CEP170B: variants seen among roughly 807,000 people sequenced by gnomAD.
The protein encoded by CEP170B is centrosomal protein of 170 kDa protein B.
In CEP170B, 55 loss-of-function variants were observed where a neutral mutation model predicts 120.6. The observed-to-expected ratio is 0.46, with a 90% CI of 0.37 to 0.57. CEP170B has a LOEUF of 0.57. CEP170B is among the 20% of genes least tolerant of loss of function. The pLI, the probability that CEP170B is intolerant of heterozygous loss-of-function variation, is 0.00. For missense variants in CEP170B, 2,212 were observed against 2,253.3 expected (o/e 0.98, Z 0.37); for synonymous variants, 1,033 against 954.5 (o/e 1.08, Z -1.52).
At position 104,891,096 on chromosome 14, in the gene CEP170B, G is replaced by T. The variant is rs996273218; in HGVS notation, c.3878+1338G>T. Among the ~76,000 whole-genome samples the T allele has an allele frequency of 8.6e-5, 13 of 151,636 alleles. No homozygotes were observed. Among genetic ancestry groups the T allele is most frequent in the African/African-American group, 3.2e-4 (13 of 41,234 alleles). On this transcript the variant is annotated intron_variant, in intron 13 of 18. Transcript: ENST00000414716. This position sits in a 1 kb window ranked among gnomAD's most constrained non-coding sequence, Gnocchi z 4.3. ...ATGGATGGATGGAGAGTGAGTGGGT[G>T]GATGGAGGGGTGGGTGGATGCAGAT...
Position 104,886,169 on chromosome 14 carries a change from C to T in CEP170B, c.2035+39C>T, listed in dbSNP as rs908265598. ...GTGCTGCGGGGGAGTCGGGCCAGGCCGGGGCGGGCCTCAGGCCACTGACCA... is the reference window on the plus strand; with the variant it reads ...GTGCTGCGGGGGAGTCGGGCCAGGCTGGGGCGGGCCTCAGGCCACTGACCA... On this transcript the variant is annotated intron_variant, in intron 11 of 18. Transcript: ENST00000414716. 12 of 1,493,208 alleles carry T rather than the reference C, an allele frequency of 8.0e-6. No individual in the cohort carries two copies. The Middle Eastern group carries it at 5.2e-4, about 65-fold the overall frequency. The allele number at this position is 1,493,208 out of a possible 1,614,324, so 92.5% of individuals were successfully genotyped here. A position where few individuals can be genotyped will look rare whatever the true frequency, so the allele number is the denominator to read the frequency against.
Position 104,886,137 on chromosome 14 carries a change from G to C in CEP170B, c.2035+7G>C. 1 of 1,532,116 alleles carries C rather than the reference G, an allele frequency of 6.5e-7. No homozygotes were observed. The allele number at this position is 1,532,116 out of a possible 1,614,324, so 94.9% of individuals were successfully genotyped here. The stretch of plus-strand genomic sequence containing the variant: ...TCAGACCCGGGCCTCACAGGTAAGT[G>C]GCTCCAGTGCTGCGGGGGAGTCGGG... On this transcript the variant is annotated splice_region_variant and intron_variant, in intron 11 of 18. Transcript: ENST00000414716.
rs1896568731 is a variant in CEP170B, at chr14:104,887,173, T to A, written c.2934T>A (p.Pro978=). 6.2e-7 allele frequency: 1 copy of A among 1,607,724 alleles called. No homozygotes were observed. The highest frequency in any genetic ancestry group is 8.5e-7 in the Non-Finnish European group (1 of 1,179,736). Residue 978 remains proline (P), a synonymous_variant, in exon 12 of 19, where the codon CCT becomes CCA. Transcript: ENST00000414716. ...KSGPSPTTPQ[P]LRAQKEMSPS... ...GGCCCAGCCCCACAACCCCCCAGCC[T>A]CTGCGGGCACAGAAGGAGATGTCGC...
intron 2 of CEP170B, among the ~76,000 whole-genome samples, chr14:104,874,750 CCCCCGG>C (rs2140648691): frequency 6.6e-6 from 1 of 152,048 alleles, no homozygotes; most frequent in South Asian, 2.1e-4. Context: ...CCAACCCCCA[CCCCCGG>C]TCCTCCTCTG....
At position 104,885,456 on chromosome 14, in the gene CEP170B, G is replaced by A. The variant is rs1471300160; in HGVS notation, c.1858G>A (p.Asp620Asn). The A allele has an allele frequency of 1.3e-6, 2 of 1,563,290 alleles. No individual in the cohort carries two copies. The highest frequency in any genetic ancestry group is 2.4e-5 in the South Asian group (2 of 84,848). Residue 620 changes from aspartate to asparagine, a missense_variant, in exon 10 of 19, where the codon GAT becomes AAT. By Grantham distance (23) the Asp-to-Asn change is conservative (BLOSUM62 1). Coordinates refer to ENST00000414716, the MANE Select transcript of CEP170B (RefSeq NM_001112726.3). ...CATCAGAGGGGACAGAGATGAGTCT[G>A]ATGACGGGGGCGTGGCCCAGCGGAT... ...PVIRGDRDES[D>N]DGGVAQRMAL...
chr14:104,890,852 AGTG>A (rs1896817409), intron 13 of CEP170B, among the ~76,000 whole-genome samples: 1 of 27,310 alleles, frequency 3.7e-5, no homozygotes, highest in African/African-American at 1.3e-4. Context: ...TGGATGAATG[AGTG>A]GGTGGGTGGG....
At chr14:104,883,591 GA>G in intron 8 of CEP170B, 83 bp downstream of exon 8, 2 of 1,373,088 alleles carry the variant, frequency 1.5e-6, no homozygotes, top group Non-Finnish European at 1.9e-6. Flanking sequence ...TTGCCATGCA[GA>G]GGGGCCCATT....
intron 18 of CEP170B, 42 bp from the exon 19 acceptor site, chr14:104,894,669 G>A: frequency 6.3e-7 from 1 of 1,575,862 alleles, no homozygotes; most frequent in Non-Finnish European, 8.6e-7. Flanking sequence ...GTGGGAGCAG[G>A]TGAACTGGAT....
At position 104,893,528 on chromosome 14, in the gene CEP170B, G is replaced by A; in HGVS notation, c.4044G>A (p.Val1348=). The A allele has an allele frequency of 6.2e-7, 1 of 1,603,022 alleles. No homozygotes were observed. Among genetic ancestry groups the A allele is most frequent in the East Asian group, 2.2e-5 (1 of 44,460 alleles). ...ASTISAREEL[V]QRIPEASLNF... is the part of the protein sequence containing the mutation. ...GCCGGCCCTCCCTCTTGCAGCTGGT[G>A]CAGCGCATCCCCGAGGCCAGCCTCA... The change falls in exon 15 of 19, where the codon GTG becomes GTA. Residue 1348 remains valine (V), a synonymous_variant. Coordinates refer to ENST00000414716, the MANE Select transcript of CEP170B (RefSeq NM_001112726.3).
In CEP170B at chr14:104,870,476, C is replaced by T. The variant is rs754000840; in HGVS notation, c.105+1921C>T. 7.2e-5 allele frequency among the ~76,000 whole-genome samples: 11 copies of T among 152,132 alleles called. No individual in the cohort carries two copies. Among genetic ancestry groups the T allele is most frequent in the African/African-American group, 2.2e-4 (9 of 41,418 alleles). On this transcript the variant is annotated intron_variant, in intron 2 of 18. Coordinates refer to ENST00000414716, the MANE Select transcript of CEP170B (RefSeq NM_001112726.3). The surrounding 1 kb of genome is among the most constrained non-coding windows in gnomAD (Gnocchi z 4.1). ...ACAGGGGTGGCATCAGTGATGGCCG[C>T]GCTGCTCTACCTAGGGTGGCTAGGA...
At chr14:104,878,542 T>A in intron 5 of CEP170B, 41 bp downstream of exon 5, 2 of 1,594,836 alleles carry the variant, frequency 1.3e-6, no homozygotes, top group Non-Finnish European at 1.7e-6. Context: ...CCACGAGGGC[T>A]CAGCCCCCCA....
chr14:104,879,585 C>T (rs1337843468), intron 5 of CEP170B, among the ~76,000 whole-genome samples: 1 of 152,164 alleles, frequency 6.6e-6, no homozygotes, highest in East Asian at 1.9e-4. Context: ...GCCGGGTGCC[C>T]TCTCGGAGCC....
At chr14:104,889,861 G>T in intron 13 of CEP170B, 103 bp downstream of exon 13, 1 of 1,247,132 alleles carries the variant, frequency 8.0e-7, no homozygotes, top group Non-Finnish European at 1.1e-6. Flanking sequence ...TTCTTGAGTG[G>T]ATAGATGGTA....
chr14:104,880,522 C>A, intron 6 of CEP170B, 97 bp downstream of exon 6: 3 of 1,508,636 alleles, frequency 2.0e-6, no homozygotes, highest in Non-Finnish European at 2.7e-6. Context: ...CCTCTGCATG[C>A]ATATACCATG....
rs1052016548 is a variant in CEP170B, at chr14:104,886,189, T to G, written c.2035+59T>G. On this transcript the variant is annotated intron_variant, in intron 11 of 18. Transcript: ENST00000414716. The stretch of plus-strand genomic sequence containing the variant: ...CAGGCCGGGGCGGGCCTCAGGCCAC[T>G]GACCACGGACACAGGCTGCCTCTTC... 7.4e-5 allele frequency: 109 copies of G among 1,479,304 alleles called. No individual in the cohort carries two copies. In the South Asian group the frequency reaches 1.3e-3, roughly 18 times the overall value. The allele number at this position is 1,479,304 out of a possible 1,614,324, so 91.6% of individuals were successfully genotyped here.
rs903349425 is a variant in CEP170B at position 104,865,336 on chromosome 14, G to C, written c.-205G>C. ...CCGTGGGCTCGGCCCGGGCTGCCAC[G>C]AGCGTGCGGGCCTCGCCGGGCATGT... is the stretch of plus-strand genomic sequence containing the variant. On this transcript the variant is annotated 5_prime_UTR_variant, in exon 1 of 19. Coordinates refer to ENST00000414716, the MANE Select transcript of CEP170B (RefSeq NM_001112726.3). The surrounding 1 kb of genome is among the most constrained non-coding windows in gnomAD (Gnocchi z 6.7). 1 of 146,630 alleles carries C rather than the reference G, an allele frequency of 6.8e-6. No homozygotes were observed. Among genetic ancestry groups the C allele is most frequent in the African/African-American group, 2.5e-5 (1 of 40,542 alleles). 9.1% of individuals were successfully genotyped at this position (146,630 alleles called of 1,614,324 possible).
At chr14:104,876,234 G>A in intron 2 of CEP170B, 22 bp from the exon 3 acceptor site, 1 of 1,550,120 alleles carries the variant, frequency 6.5e-7, no homozygotes, top group Non-Finnish European at 8.7e-7. Context: ...AGCACCTGAG[G>A]GCTGGCTGTG....
chr14:104,888,723 C>A (rs926312578), intron 12 of CEP170B, among the ~76,000 whole-genome samples: 8 of 152,256 alleles, frequency 5.3e-5, no homozygotes, highest in Non-Finnish European at 1.2e-4. Context: ...GTGCACCCAC[C>A]TACCCACCCA....
chr14:104,879,147 G>A (rs1896012493), intron 5 of CEP170B, among the ~76,000 whole-genome samples: 1 of 152,202 alleles, frequency 6.6e-6, no homozygotes, highest in African/African-American at 2.4e-5. Flanking sequence ...AGTCTTCGAA[G>A]CTGAAGGGAT....
Sources: gnomAD v4.1 joint callset for allele counts (sites outside exome capture counted in the v4.1 genomes callset) on GRCh38, gnomAD v4.1.1 for gene constraint, Gnocchi (gnomAD v3.1) non-coding constraint, MANE v1.5 for transcripts, NCBI Gene and HGNC (gene_info 2026-07-23, HGNC 2026-07-21) for gene names.